The following RABGAP1L variants were observed in gnomAD, a reference collection of about 807,000 sequenced individuals.
RABGAP1L encodes rab GTPase-activating protein 1-like.
RABGAP1L carries 63 observed loss-of-function variants against 137.7 expected under a neutral mutation model. The observed-to-expected ratio is 0.46, with a 90% CI of 0.37 to 0.56. The LOEUF (loss-of-function observed/expected upper bound fraction) is 0.56, where lower values mean the gene tolerates loss of function less well. Among genes scored for constraint, RABGAP1L ranks in the 20% least tolerant of loss-of-function variants. RABGAP1L has a pLI of 0.00. For missense variants in RABGAP1L, 1,095 were observed against 1,244.0 expected (o/e 0.88, Z 1.80); for synonymous variants, 431 against 433.7 (o/e 0.99, Z 0.08).
chr1:174,976,284 G>C, intron 22 of RABGAP1L, 102 bp downstream of exon 22: 1 of 995,462 alleles, frequency 1.0e-6, no homozygotes, highest in Non-Finnish European at 1.5e-6. Context: ...AATCAAAGGT[G>C]ATGTTAAAGC....
chr1:174,768,085 G>T (rs541300555), intron 18 of RABGAP1L, among the ~76,000 whole-genome samples: 26 of 152,300 alleles, frequency 1.7e-4, no homozygotes, highest in Non-Finnish European at 3.4e-4. Context: ...TTTGGGTGGG[G>T]ACACAAAGCC....
At chr1:174,846,503 G>A (rs1479749613) in intron 19 of RABGAP1L, among the ~76,000 whole-genome samples, 1 of 133,454 alleles carries the variant, frequency 7.5e-6, no homozygotes, top group African/African-American at 2.6e-5. Flanking sequence ...TCATTCAGGA[G>A]CAGGTTGTTC....
intron 13 of RABGAP1L, among the ~76,000 whole-genome samples, chr1:174,413,049 T>A (rs1454643182): frequency 6.6e-6 from 1 of 152,186 alleles, no homozygotes; most frequent in Non-Finnish European, 1.5e-5. Flanking sequence ...TTCACTCAAA[T>A]ATGTTTTTCA....
At position 174,720,897 on chromosome 1, in the gene RABGAP1L, A is replaced by C. The variant is rs1681477936; in HGVS notation, c.2169+18641A>C. On this transcript the variant is annotated intron_variant, in intron 17 of 25. Coordinates refer to ENST00000681986, the MANE Select transcript of RABGAP1L (RefSeq NM_001366446.1). Reference sequence around the variant, plus strand: ...AACCAACTGAACTGTACATTTTTGAAGAACAAATTTTATGGTGTTTGAATT... The same window carrying C: ...AACCAACTGAACTGTACATTTTTGACGAACAAATTTTATGGTGTTTGAATT... 3.3e-5 allele frequency among the ~76,000 whole-genome samples: 5 copies of C among 152,206 alleles called. 1 individual carries two copies. The South Asian group carries it at 1.0e-3, about 32-fold the overall frequency.
chr1:174,789,463 CAG>C (rs1243413582), intron 18 of RABGAP1L, among the ~76,000 whole-genome samples: 1 of 151,964 alleles, frequency 6.6e-6, no homozygotes, highest in African/African-American at 2.4e-5. Context: ...TTTTTTTTTA[CAG>C]AGTTTCTTTA....
intron 13 of RABGAP1L, among the ~76,000 whole-genome samples, chr1:174,467,634 G>A (rs905608799): frequency 6.6e-6 from 1 of 152,128 alleles, no homozygotes; most frequent in Non-Finnish European, 1.5e-5. Context: ...TATATAATAT[G>A]TTTAATCCTT....
At chr1:174,955,691 A>G (rs756537461) in intron 19 of RABGAP1L, among the ~76,000 whole-genome samples, 3 of 152,220 alleles carry the variant, frequency 2.0e-5, no homozygotes, top group Non-Finnish European at 4.4e-5. Flanking sequence ...AGGGCAACAC[A>G]TCATCCTTGC....
At chr1:174,311,898 T>C (rs1309353778) in intron 11 of RABGAP1L, among the ~76,000 whole-genome samples, 1 of 152,200 alleles carries the variant, frequency 6.6e-6, no homozygotes, top group Non-Finnish European at 1.5e-5. Context: ...TGAGCCACCA[T>C]GCCCAGCTGA....
At chr1:174,508,207 TG>T (rs763314857) in intron 13 of RABGAP1L, among the ~76,000 whole-genome samples, 1 of 152,168 alleles carries the variant, frequency 6.6e-6, no homozygotes, top group Non-Finnish European at 1.5e-5. Flanking sequence ...TTCAGGTTGT[TG>T]TTGCTGTAAA....
chr1:174,478,085 GAAT>G (rs1658688932), intron 13 of RABGAP1L, among the ~76,000 whole-genome samples: 1 of 151,870 alleles, frequency 6.6e-6, no homozygotes, highest in African/African-American at 2.4e-5. Flanking sequence ...TTTTGTCAAA[GAAT>G]AATATTTATC....
intron 13 of RABGAP1L, among the ~76,000 whole-genome samples, chr1:174,457,076 G>C (rs1002141142): frequency 6.6e-6 from 1 of 152,188 alleles, no homozygotes; most frequent in African/African-American, 2.4e-5. Context: ...TAGAATTTGA[G>C]GGAGAGATTG....
At chr1:174,289,477 T>A (rs1676377882) in intron 10 of RABGAP1L, among the ~76,000 whole-genome samples, 1 of 152,252 alleles carries the variant, frequency 6.6e-6, no homozygotes, top group Non-Finnish European at 1.5e-5. Flanking sequence ...TAGTTACATA[T>A]CTTCATTTGT....
intron 13 of RABGAP1L, among the ~76,000 whole-genome samples, chr1:174,627,471 A>G (rs1673011074): frequency 6.6e-6 from 1 of 152,204 alleles, no homozygotes; most frequent in Non-Finnish European, 1.5e-5. Context: ...TTATACTGGG[A>G]GAACAGTTCA....
chr1:174,580,379 C>T (rs1055795429), intron 13 of RABGAP1L, among the ~76,000 whole-genome samples: 1 of 152,126 alleles, frequency 6.6e-6, no homozygotes, highest in East Asian at 1.9e-4. Context: ...TTGGAAGCAA[C>T]CCAGATGTCC....
intron 7 of RABGAP1L, among the ~76,000 whole-genome samples, chr1:174,266,940 C>T (rs1417489051): frequency 6.6e-6 from 1 of 151,964 alleles, no homozygotes; most frequent in Non-Finnish European, 1.5e-5. Flanking sequence ...GAGACCTAGG[C>T]CTGTATAAAG....
At chr1:174,237,787 C>G (rs1166514270) in intron 4 of RABGAP1L, among the ~76,000 whole-genome samples, 1 of 145,206 alleles carries the variant, frequency 6.9e-6, no homozygotes, top group African/African-American at 2.6e-5. Context: ...TTGTGGCGTT[C>G]TCTGTATTTC....
rs73026465 is a variant in RABGAP1L, at chr1:174,737,186, A to G, written c.2170-15127A>G. Reference sequence around the variant, plus strand: ...CTTCTTTGTTCTGCTTCCCTTTTAAATATAGGTTCCAGTTTTAAGTCATTT... The same window carrying G: ...CTTCTTTGTTCTGCTTCCCTTTTAAGTATAGGTTCCAGTTTTAAGTCATTT... On this transcript the variant is annotated intron_variant, in intron 17 of 25. Coordinates refer to ENST00000681986, the MANE Select transcript of RABGAP1L (RefSeq NM_001366446.1). Among the ~76,000 whole-genome samples the G allele has an allele frequency of 5.3e-3, 804 of 152,216 alleles. 9 individuals are homozygous for G. The highest frequency in any genetic ancestry group is 0.018 in the African/African-American group (760 of 41,520).
intron 13 of RABGAP1L, among the ~76,000 whole-genome samples, chr1:174,499,838 C>T (rs2149373286): frequency 6.6e-6 from 1 of 152,218 alleles, no homozygotes; most frequent in East Asian, 1.9e-4. Flanking sequence ...ATAGCTTTCT[C>T]TCTCTGTTTT....
intron 13 of RABGAP1L, chr1:174,548,296 A>G: frequency 7.8e-7 from 1 of 1,283,496 alleles, no homozygotes; most frequent in East Asian, 3.0e-5. Context: ...TAAGTTGTTT[A>G]CCCTCTTAAT....
Sources: allele counts gnomAD v4.1 joint callset (sites outside exome capture counted in the v4.1 genomes callset), GRCh38; gene constraint gnomAD v4.1.1; transcripts MANE v1.5; gene names NCBI Gene and HGNC (gene_info 2026-07-23, HGNC 2026-07-21).